The following LARP4B variants were observed in gnomAD, a reference collection of about 807,000 sequenced individuals.
The protein encoded by LARP4B is La ribonucleoprotein 4B.
A neutral mutation model predicts 89.8 loss-of-function variants in LARP4B; 12 were observed. The ratio of observed to expected loss-of-function variants is 0.13; its 90% confidence interval spans 0.09 to 0.22. The LOEUF is 0.22. Among genes scored for constraint, LARP4B ranks in the 10% least tolerant of loss-of-function variants. The pLI, the probability that LARP4B is intolerant of heterozygous loss-of-function variation, is 1.00. For synonymous variants in LARP4B, 367 were observed against 363.3 expected, an observed-to-expected ratio of 1.01 and a Z score of -0.12; for missense variants, 757 against 947.7, an observed-to-expected ratio of 0.80 and a Z score of 2.64.
chr10:860,946 G>A (rs368905640), intron 5 of LARP4B, among the ~76,000 whole-genome samples: 37 of 152,266 alleles, frequency 2.4e-4, no homozygotes, highest in Admixed American at 7.8e-4. Flanking sequence ...CATGAGGTCG[G>A]GAGATCAAGA....
At chr10:944,414 G>A in the LARP4B span, among the ~76,000 whole-genome samples, 1 of 152,172 alleles carries the variant, frequency 6.6e-6, no homozygotes, top group East Asian at 1.9e-4. Context: ...GGGGGATCTT[G>A]GAGCTGGCAG....
intron 1 of LARP4B, among the ~76,000 whole-genome samples, chr10:899,107 A>C (rs1836264597): frequency 6.6e-6 from 1 of 152,250 alleles, no homozygotes; most frequent in South Asian, 2.1e-4. Flanking sequence ...TTCTTACAAT[A>C]TGGTACTTAA....
the LARP4B span, among the ~76,000 whole-genome samples, chr10:966,599 C>T: frequency 6.6e-6 from 1 of 152,264 alleles, no homozygotes; most frequent in Non-Finnish European, 1.5e-5. Flanking sequence ...AGCACATTTG[C>T]AGCTCAAACC....
At chr10:878,324 G>A (rs1259904523) in intron 3 of LARP4B, among the ~76,000 whole-genome samples, 1 of 152,214 alleles carries the variant, frequency 6.6e-6, no homozygotes, top group Non-Finnish European at 1.5e-5. Flanking sequence ...GGGGACACCA[G>A]TGAGGAGTGA....
chr10:895,140 C>A (rs1050543574), intron 1 of LARP4B, among the ~76,000 whole-genome samples: 1 of 151,882 alleles, frequency 6.6e-6, no homozygotes, highest in Non-Finnish European at 1.5e-5. Context: ...GAGCCAAGAT[C>A]GCGCCACTCC....
intron 3 of LARP4B, among the ~76,000 whole-genome samples, chr10:867,996 AG>A (rs1835003940): frequency 6.6e-6 from 1 of 152,018 alleles, no homozygotes; most frequent in East Asian, 1.9e-4. Context: ...CACATTCCAA[AG>A]TGAACATGCC....
chr10:887,178 G>C (rs1322547696), intron 1 of LARP4B, among the ~76,000 whole-genome samples: 2 of 152,082 alleles, frequency 1.3e-5, no homozygotes, highest in Non-Finnish European at 2.9e-5. Context: ...AGGGTACCAA[G>C]TTACAGATAT....
intron 5 of LARP4B, among the ~76,000 whole-genome samples, chr10:860,127 T>TGGGGGGGGGGGG (rs60607691): frequency 2.8e-4 from 27 of 96,148 alleles, no homozygotes; most frequent in South Asian, 8.2e-4. Flanking sequence ...TGTGTGGGGG[T>TGGGGGGGGGGGG]GGGGGGGAGG....
the LARP4B span, among the ~76,000 whole-genome samples, chr10:946,658 G>C: frequency 6.6e-6 from 1 of 152,186 alleles, no homozygotes; most frequent in African/African-American, 2.4e-5. Flanking sequence ...TAACCTCCTT[G>C]GGGCTTGTTC....
At chr10:978,350 C>T in the LARP4B span, among the ~76,000 whole-genome samples, 22 of 152,230 alleles carry the variant, frequency 1.4e-4, 1 homozygote, top group African/African-American at 4.1e-4. Context: ...TTCAAGGTTA[C>T]GTTATTGGTT....
the LARP4B span, among the ~76,000 whole-genome samples, chr10:981,856 G>C: frequency 6.6e-6 from 1 of 152,070 alleles, no homozygotes; most frequent in South Asian, 2.1e-4. Context: ...ATGAGCCACC[G>C]CACCCAGCCA....
At chr10:847,517 C>G (rs898748532) in intron 5 of LARP4B, among the ~76,000 whole-genome samples, 4 of 149,030 alleles carry the variant, frequency 2.7e-5, no homozygotes, top group Admixed American at 6.7e-5. Context: ...TGACATGAAA[C>G]TTTTTTCTTT....
At chr10:986,199 A>C in the LARP4B span, 1 of 152,208 alleles carries the variant, frequency 6.6e-6, no homozygotes, top group Non-Finnish European at 1.5e-5. Context: ...AGGTCTGAAA[A>C]ACAAAGCTTT....
intron 8 of LARP4B, among the ~76,000 whole-genome samples, chr10:835,774 C>T (rs1833179243): frequency 6.6e-6 from 1 of 152,036 alleles, no homozygotes; most frequent in African/African-American, 2.4e-5. Context: ...CTCTACTAAA[C>T]ATAGAAAAAT....
chr10:918,859 G>A (rs866742512), intron 1 of LARP4B, among the ~76,000 whole-genome samples: 3 of 152,012 alleles, frequency 2.0e-5, no homozygotes, highest in African/African-American at 2.4e-5. Context: ...GGTGGATCAC[G>A]AGGTCAGGAG....
chr10:972,505 G>A, the LARP4B span: 2 of 456,854 alleles, frequency 4.4e-6, no homozygotes, highest in Non-Finnish European at 8.8e-6. Context: ...TATTCTCAGA[G>A]GGGTGACAGG....
At chr10:988,335 G>A in the LARP4B span, 2 of 680,198 alleles carry the variant, frequency 2.9e-6, no homozygotes, top group East Asian at 5.7e-5. Context: ...TGTGCGACGC[G>A]GAAAGCGCCG....
intron 1 of LARP4B, among the ~76,000 whole-genome samples, chr10:900,839 G>A (rs1256367339): frequency 3.3e-5 from 5 of 150,662 alleles, no homozygotes; most frequent in African/African-American, 4.9e-5. Flanking sequence ...GGCTGGTCTC[G>A]AACTCCTGAC....
intron 1 of LARP4B, among the ~76,000 whole-genome samples, chr10:903,800 CAA>C (rs1190749850): frequency 1.3e-5 from 2 of 152,036 alleles, no homozygotes; most frequent in African/African-American, 4.8e-5. Context: ...ACATAATACT[CAA>C]AGAGTAAGAT....
Sources: gnomAD v4.1 joint callset for allele counts (sites outside exome capture counted in the v4.1 genomes callset) on GRCh38, gnomAD v4.1.1 for gene constraint, MANE v1.5 for transcripts, NCBI Gene and HGNC (gene_info 2026-07-23, HGNC 2026-07-21) for gene names.